Variants in FMN1 observed in about 807,000 individuals in gnomAD.
The protein encoded by FMN1 is formin 1.
A neutral mutation model predicts 132.4 loss-of-function variants in FMN1; 110 were observed. That is an observed-to-expected ratio of 0.83 (90% confidence interval 0.71 to 0.97). FMN1 has a LOEUF of 0.97. FMN1 is among the 50% of genes least tolerant of loss of function. FMN1 has a pLI of 0.00. For missense variants in FMN1, 1,792 were observed against 1,705.3 expected (o/e 1.05, Z -0.90); for synonymous variants, 722 against 651.7 (o/e 1.11, Z -1.64).
intron 7 of FMN1, among the ~76,000 whole-genome samples, chr15:32,980,739 T>G (rs2032586805): frequency 6.6e-6 from 1 of 152,212 alleles, no homozygotes; most frequent in African/African-American, 2.4e-5. Flanking sequence ...TTCTTTTTTC[T>G]TCTTTTAAAA....
At position 32,934,598 on chromosome 15, in the gene FMN1, CTTTTTTT is replaced by C. The variant is rs376553575; in HGVS notation, c.3139-8344_3139-8338del. Among the ~76,000 whole-genome samples the C allele has an allele frequency of 6.1e-4, 78 of 127,110 alleles. 1 individual carries two copies. The highest frequency in any genetic ancestry group is 1.8e-3 in the African/African-American group (59 of 33,274). The allele number at this position is 127,110 out of a possible 152,430, so 83.4% of individuals were successfully genotyped here. A position where few individuals can be genotyped will look rare whatever the true frequency, so the allele number is the denominator to read the frequency against. On this transcript the variant is annotated intron_variant, in intron 9 of 20. Transcript: ENST00000616417. ...TTGTTTCTGAAAGACAATTTTTTTC[CTTTTTTT>C]TTTTTTTTTTTGGGTGGGGAGGACT...
intron 16 of FMN1, among the ~76,000 whole-genome samples, chr15:32,860,357 A>C (rs2059241382): frequency 6.6e-6 from 1 of 152,124 alleles, no homozygotes; most frequent in Admixed American, 6.5e-5. Context: ...AGTTTAAATA[A>C]AATTAGCAAT....
intron 17 of FMN1, among the ~76,000 whole-genome samples, chr15:32,848,947 T>C (rs1443264235): frequency 6.6e-6 from 1 of 150,642 alleles, no homozygotes. Flanking sequence ...GAGGACCAGC[T>C]GAATATCAGT....
At chr15:32,933,010 C>A (rs2061160270) in intron 9 of FMN1, among the ~76,000 whole-genome samples, 1 of 152,064 alleles carries the variant, frequency 6.6e-6, no homozygotes. Context: ...ATCCTTATTT[C>A]ATTTCTTTTA....
At chr15:32,986,993 C>T (rs1431598771) in intron 7 of FMN1, among the ~76,000 whole-genome samples, 1 of 152,124 alleles carries the variant, frequency 6.6e-6, no homozygotes, top group Non-Finnish European at 1.5e-5. Context: ...AAACATTTAA[C>T]TATCCTATTC....
chr15:33,070,743 A>C (rs2037966757), intron 5 of FMN1, among the ~76,000 whole-genome samples: 1 of 152,226 alleles, frequency 6.6e-6, no homozygotes, highest in African/African-American at 2.4e-5. Context: ...TAACACAGCT[A>C]GTAAGTGGGG....
At chr15:33,032,542 G>A (rs1390844664) in intron 6 of FMN1, among the ~76,000 whole-genome samples, 1 of 152,184 alleles carries the variant, frequency 6.6e-6, no homozygotes, top group African/African-American at 2.4e-5. Flanking sequence ...TTGGGGTTAT[G>A]TCCTGATAAA....
chr15:33,167,216 G>A (rs1231228972), intron 3 of FMN1, among the ~76,000 whole-genome samples: 1 of 152,114 alleles, frequency 6.6e-6, no homozygotes, highest in Non-Finnish European at 1.5e-5. Flanking sequence ...CTGAATCATG[G>A]TGGCGGTTTT....
Position 33,154,722 on chromosome 15 carries a change from C to G in FMN1, c.193G>C (p.Glu65Gln). Residue 65 changes from glutamate (E) to glutamine (Q), a missense_variant, in exon 4 of 21, where the codon GAG becomes CAG. Coordinates refer to ENST00000616417, the MANE Select transcript of FMN1 (RefSeq NM_001277313.2). ...EESDIISLSQ[E>Q]PDEHPGDIFF... ...ATGTCGCCTGGATGTTCGTCCGGCTCCTGGCTGAGGCTGATGATGTCTGAC... is the reference window on the plus strand; with the variant it reads ...ATGTCGCCTGGATGTTCGTCCGGCTGCTGGCTGAGGCTGATGATGTCTGAC... The G allele has an allele frequency of 6.5e-7, 1 of 1,536,070 alleles. No homozygotes were observed. The highest frequency in any genetic ancestry group is 8.7e-7 in the Non-Finnish European group (1 of 1,146,918).
intron 17 of FMN1, among the ~76,000 whole-genome samples, chr15:32,831,037 T>A (rs534822509): frequency 2.0e-5 from 3 of 152,284 alleles, no homozygotes; most frequent in Non-Finnish European, 4.4e-5. Context: ...ATTCTTAACC[T>A]GTCCTGATTG....
At chr15:33,162,239 C>T (rs1222789962) in intron 3 of FMN1, among the ~76,000 whole-genome samples, 1 of 151,986 alleles carries the variant, frequency 6.6e-6, no homozygotes, top group African/African-American at 2.4e-5. Context: ...TCTCAAACTC[C>T]CGAGCTCAAG....
At chr15:33,086,123 C>T (rs947108952) in intron 5 of FMN1, among the ~76,000 whole-genome samples, 2 of 151,898 alleles carry the variant, frequency 1.3e-5, no homozygotes, top group Admixed American at 6.6e-5. Context: ...TGGTGGCATG[C>T]GCCTGTAGTC....
At chr15:32,823,399 C>T (rs1161619115) in intron 17 of FMN1, among the ~76,000 whole-genome samples, 6 of 151,984 alleles carry the variant, frequency 3.9e-5, no homozygotes, top group Admixed American at 6.6e-5. Flanking sequence ...CTCCTGACCT[C>T]GTGATCCGCC....
chr15:33,071,879 G>A (rs1347899608), intron 5 of FMN1, among the ~76,000 whole-genome samples: 1 of 152,172 alleles, frequency 6.6e-6, no homozygotes, highest in East Asian at 1.9e-4. Flanking sequence ...AACATTTTCA[G>A]GGAGGATAGT....
At chr15:33,053,237 A>C (rs1488138137) in intron 6 of FMN1, among the ~76,000 whole-genome samples, 1 of 152,238 alleles carries the variant, frequency 6.6e-6, no homozygotes, top group Non-Finnish European at 1.5e-5. Flanking sequence ...ACCCGGCTGC[A>C]GACAGCAGAA....
Position 32,873,613 on chromosome 15 carries a change from C to T in FMN1, c.3835+14559G>A, listed in dbSNP as rs371318454. The stretch of plus-strand genomic sequence containing the variant: ...TATACGTAAAGTGAGTGTGTGTAAG[C>T]ATCTGAGGAAGGATGGGGGACTGCT... On this transcript the variant is annotated intron_variant, in intron 16 of 20. Coordinates refer to ENST00000616417, the MANE Select transcript of FMN1 (RefSeq NM_001277313.2). 6.9e-4 allele frequency among the ~76,000 whole-genome samples: 105 copies of T among 152,138 alleles called. 4 individuals carry two copies. The South Asian group carries it at 0.02, about 29-fold the overall frequency.
In FMN1 at chr15:33,004,447, C is replaced by T. The variant is rs533579665; in HGVS notation, c.2223+3567G>A. Among the ~76,000 whole-genome samples the T allele has an allele frequency of 7.9e-4, 121 of 152,298 alleles. 1 individual carries two copies. The highest frequency in any genetic ancestry group is 3.4e-3 in the Middle Eastern group (1 of 294). On this transcript the variant is annotated intron_variant, in intron 7 of 20. Transcript: ENST00000616417. ...AACAGACACATGAAAAAATGCTCAC[C>T]ATCACTGGCCATCAGAGAAATGCAA...
At position 33,127,950 on chromosome 15, in the gene FMN1, G is replaced by C. The variant is rs892224406; in HGVS notation, c.1867+25098C>G. ...TAGAAGAAGAGGCAGCAACAGGACA[G>C]GAGAAAGGAAAGAAAGGGGAAAGGA... On this transcript the variant is annotated intron_variant, in intron 4 of 20. Transcript: ENST00000616417. Among the ~76,000 whole-genome samples, 8 of 152,190 alleles carry C rather than the reference G, an allele frequency of 5.3e-5. No individual in the cohort carries two copies. The South Asian group carries it at 1.7e-3, about 32-fold the overall frequency.
chr15:33,066,512 C>T (rs2037732371), intron 5 of FMN1: 2 of 1,531,190 alleles, frequency 1.3e-6, no homozygotes, highest in African/African-American at 2.8e-5. Context: ...TCTACATACA[C>T]TTTTGGAATC....
Sources: allele counts gnomAD v4.1 joint callset (sites outside exome capture counted in the v4.1 genomes callset), GRCh38; gene constraint gnomAD v4.1.1; transcripts MANE v1.5; gene names NCBI Gene and HGNC (gene_info 2026-07-23, HGNC 2026-07-21).